The following KCNC2 variants were observed in gnomAD, a reference collection of about 807,000 sequenced individuals.
The protein encoded by KCNC2 is voltage-gated potassium channel KCNC2.
Under a neutral mutation model 44.5 loss-of-function variants are expected in KCNC2, and 21 were observed. The ratio of observed to expected loss-of-function variants is 0.47; its 90% confidence interval spans 0.33 to 0.68. KCNC2 has a LOEUF of 0.68. Among genes scored for constraint, KCNC2 ranks in the 30% least tolerant of loss-of-function variants. The pLI, the probability that KCNC2 is intolerant of heterozygous loss-of-function variation, is 0.01. For missense variants in KCNC2, 589 were observed against 826.2 expected, an observed-to-expected ratio of 0.71 and a Z score of 3.52; for synonymous variants, 391 against 339.1, an observed-to-expected ratio of 1.15 and a Z score of -1.68.
chr12:75,137,498 A>AT (rs1455455039), intron 2 of KCNC2, among the ~76,000 whole-genome samples: 1 of 152,202 alleles, frequency 6.6e-6, no homozygotes, highest in Non-Finnish European at 1.5e-5. Flanking sequence ...ACTAACAAAG[A>AT]TTTTTTAAAA....
At chr12:75,123,347 A>C (rs531161742) in intron 2 of KCNC2, among the ~76,000 whole-genome samples, 1 of 152,340 alleles carries the variant, frequency 6.6e-6, no homozygotes, top group African/African-American at 2.4e-5. Context: ...TAGCATAAAA[A>C]TAGATACAAT....
At chr12:75,111,782 T>C (rs1317878786) in intron 2 of KCNC2, among the ~76,000 whole-genome samples, 3 of 152,152 alleles carry the variant, frequency 2.0e-5, no homozygotes, top group Non-Finnish European at 2.9e-5. Flanking sequence ...GAAGAATACA[T>C]GCACACTAAG....
At chr12:75,155,940 A>G (rs948886740) in intron 2 of KCNC2, among the ~76,000 whole-genome samples, 2 of 151,946 alleles carry the variant, frequency 1.3e-5, no homozygotes, top group African/African-American at 2.4e-5. Flanking sequence ...ACATTGTCAT[A>G]TAGAAGCATA....
rs573654676 is a variant in KCNC2 at position 75,048,842 on chromosome 12, G to A, written c.1616-525C>T. Among the ~76,000 whole-genome samples the A allele has an allele frequency of 2.8e-3, 431 of 152,158 alleles. 1 individual carries two copies. Among genetic ancestry groups the A allele is most frequent in the Non-Finnish European group, 3.8e-3 (261 of 67,988 alleles). ...GTTTCCAGGTAGTCAATTTTGAAGCGGCAAGATATTTTTGAGCATGCAGTG... is the reference window on the plus strand; with the variant it reads ...GTTTCCAGGTAGTCAATTTTGAAGCAGCAAGATATTTTTGAGCATGCAGTG... On this transcript the variant is annotated intron_variant, in intron 3 of 4. Coordinates refer to ENST00000549446, the MANE Select transcript of KCNC2 (RefSeq NM_139137.4).
At chr12:75,141,782 A>G (rs1889672065) in intron 2 of KCNC2, among the ~76,000 whole-genome samples, 1 of 152,114 alleles carries the variant, frequency 6.6e-6, no homozygotes, top group Non-Finnish European at 1.5e-5. Flanking sequence ...AATGAGTATT[A>G]CTATGTACCA....
chr12:75,101,571 A>G (rs941902035), intron 2 of KCNC2, among the ~76,000 whole-genome samples: 19 of 152,132 alleles, frequency 1.2e-4, no homozygotes, highest in Non-Finnish European at 1.8e-4. Context: ...TTAAAAAGAG[A>G]AAACTTGGCT....
chr12:75,069,815 G>C (rs7301244), intron 2 of KCNC2, among the ~76,000 whole-genome samples: 63,337 of 151,984 alleles, frequency 0.42, 16,484 homozygotes, highest in Non-Finnish European at 0.59. Context: ...CCATGCCCCA[G>C]CTACACTGTT....
At chr12:75,109,504 G>A in intron 2 of KCNC2, among the ~76,000 whole-genome samples, 1 of 152,162 alleles carries the variant, frequency 6.6e-6, no homozygotes, top group East Asian at 1.9e-4. Flanking sequence ...TGCAGCTGGG[G>A]CTATACTGTT....
chr12:75,160,463 A>C (rs1408292428), intron 2 of KCNC2, among the ~76,000 whole-genome samples: 4 of 151,892 alleles, frequency 2.6e-5, no homozygotes, highest in Non-Finnish European at 4.4e-5. Context: ...TACTTTGCCC[A>C]AAATCACACA....
intron 2 of KCNC2, among the ~76,000 whole-genome samples, chr12:75,177,055 T>C (rs547910150): frequency 1.2e-4 from 17 of 147,094 alleles, no homozygotes; most frequent in African/African-American, 4.0e-4. Context: ...TATATATATA[T>C]ATACACACAC....
At chr12:75,155,700 A>G (rs944431016) in intron 2 of KCNC2, among the ~76,000 whole-genome samples, 1 of 151,650 alleles carries the variant, frequency 6.6e-6, no homozygotes, top group Non-Finnish European at 1.5e-5. Context: ...GTGCTTAGCA[A>G]GAGAAAGAAC....
chr12:75,100,614 G>T (rs1318817080), intron 2 of KCNC2, among the ~76,000 whole-genome samples: 2 of 151,754 alleles, frequency 1.3e-5, no homozygotes, highest in African/African-American at 4.8e-5. Context: ...GGTTCACAAG[G>T]TTACTATCAT....
At chr12:75,138,419 G>A (rs1270810185) in intron 2 of KCNC2, among the ~76,000 whole-genome samples, 2 of 152,110 alleles carry the variant, frequency 1.3e-5, no homozygotes, top group African/African-American at 4.8e-5. Flanking sequence ...TAGACTACCT[G>A]TTTTCAGAAT....
chr12:75,107,435 A>T (rs1252507362), intron 2 of KCNC2, among the ~76,000 whole-genome samples: 3 of 152,174 alleles, frequency 2.0e-5, no homozygotes, highest in African/African-American at 7.2e-5. Context: ...AATAAAAGTA[A>T]AATATTTTTC....
chr12:75,139,819 G>T (rs79089650), intron 2 of KCNC2, among the ~76,000 whole-genome samples: 3,549 of 152,136 alleles, frequency 0.023, 142 homozygotes, highest in African/African-American at 0.081. Context: ...ACCTGTCGGA[G>T]GAATTAATAA....
At chr12:75,208,823 A>T (rs923646610) in intron 1 of KCNC2, among the ~76,000 whole-genome samples, 2 of 152,088 alleles carry the variant, frequency 1.3e-5, no homozygotes, top group Non-Finnish European at 2.9e-5. Flanking sequence ...CGTTATTATT[A>T]TTATTGTTGT....
intron 2 of KCNC2, among the ~76,000 whole-genome samples, chr12:75,097,369 C>T (rs765450041): frequency 1.1e-4 from 17 of 152,030 alleles, no homozygotes; most frequent in African/African-American, 3.1e-4. Flanking sequence ...GAATGTACAG[C>T]ACCAAGAATG....
At chr12:75,169,250 C>T (rs1891656336) in intron 2 of KCNC2, among the ~76,000 whole-genome samples, 2 of 151,576 alleles carry the variant, frequency 1.3e-5, no homozygotes, top group South Asian at 2.1e-4. Context: ...TAGAGCAGTA[C>T]CTGGCACATA....
intron 2 of KCNC2, among the ~76,000 whole-genome samples, chr12:75,164,668 T>A (rs1891329972): frequency 6.6e-6 from 1 of 151,594 alleles, no homozygotes; most frequent in South Asian, 2.1e-4. Flanking sequence ...GATAAGTAAA[T>A]TCCAGTCCCT....
Sources: gnomAD v4.1 joint callset for allele counts (sites outside exome capture counted in the v4.1 genomes callset) on GRCh38, gnomAD v4.1.1 for gene constraint, MANE v1.5 for transcripts, NCBI Gene and HGNC (gene_info 2026-07-23, HGNC 2026-07-21) for gene names.